Variants in DOK5 observed in about 807,000 individuals in gnomAD.
The protein encoded by DOK5 is docking protein 5, also known as downstream of tyrosine kinase 5.
In DOK5, 27 loss-of-function variants were observed where a neutral mutation model predicts 43.3. That is an observed-to-expected ratio of 0.62 (90% confidence interval 0.46 to 0.86). The LOEUF (loss-of-function observed/expected upper bound fraction) is 0.86, where lower values mean the gene tolerates loss of function less well. Ranked by LOEUF, DOK5 falls within the 40% of genes least tolerant of loss-of-function variation. DOK5 has a pLI of 0.00. For synonymous variants in DOK5, 146 were observed against 140.1 expected (o/e 1.04, Z -0.30); for missense variants, 373 against 392.9 (o/e 0.95, Z 0.43).
chr20:54,588,727 G>T lies in DOK5; in HGVS notation c.330G>T (p.Glu110Asp). The T allele has an allele frequency of 6.2e-7, 1 of 1,614,120 alleles. No homozygotes were observed. The highest frequency in any genetic ancestry group is 8.5e-7 in the Non-Finnish European group (1 of 1,179,984). The change falls in exon 4 of 8, where the codon GAG becomes GAT. Residue 110 changes from glutamate to aspartate, a missense_variant. Physicochemically the swap from Glu to Asp is conservative, Grantham distance 45. Transcript: ENST00000262593. ...AGTGGTGCAAAGTACTCCAGATGGAGTGTGTAGGAACACGGATCAATGACA... is the reference window on the plus strand; with the variant it reads ...AGTGGTGCAAAGTACTCCAGATGGATTGTGTAGGAACACGGATCAATGACA... ...ADEWCKVLQM[E>D]CVGTRINDIS...
At chr20:54,597,623 A>G (rs1032873000) in intron 5 of DOK5, among the ~76,000 whole-genome samples, 1 of 152,242 alleles carries the variant, frequency 6.6e-6, no homozygotes, top group Non-Finnish European at 1.5e-5. Context: ...TGATAAATTC[A>G]GGACTCACGC....
At chr20:54,617,677 C>A (rs530423615) in intron 6 of DOK5, among the ~76,000 whole-genome samples, 1 of 152,300 alleles carries the variant, frequency 6.6e-6, no homozygotes, top group Middle Eastern at 3.4e-3. Flanking sequence ...AGGAAGGGCA[C>A]CACACAAGGG....
chr20:54,640,343 C>T (rs748252255), intron 6 of DOK5, among the ~76,000 whole-genome samples: 5 of 152,162 alleles, frequency 3.3e-5, no homozygotes, highest in Non-Finnish European at 5.9e-5. Flanking sequence ...TCCACCAGGG[C>T]GGTACATCAG....
intron 6 of DOK5, among the ~76,000 whole-genome samples, chr20:54,628,278 G>A (rs1198642820): frequency 5.9e-5 from 9 of 151,370 alleles, no homozygotes; most frequent in Middle Eastern, 6.4e-3. Flanking sequence ...GCGTGGTGGC[G>A]GGCGCCTGTA....
At chr20:54,509,556 A>G (rs1297200765) in intron 1 of DOK5, among the ~76,000 whole-genome samples, 2 of 152,196 alleles carry the variant, frequency 1.3e-5, no homozygotes, top group Non-Finnish European at 2.9e-5. Context: ...TAAGCAAGAG[A>G]TGGTGTCTAG....
chr20:54,632,728 C>A (rs1978628118), intron 6 of DOK5, among the ~76,000 whole-genome samples: 1 of 152,160 alleles, frequency 6.6e-6, no homozygotes, highest in South Asian at 2.1e-4. Flanking sequence ...CAGTAATTCT[C>A]AAAGCATGGT....
intron 6 of DOK5, among the ~76,000 whole-genome samples, chr20:54,629,762 G>C (rs1482362959): frequency 6.6e-6 from 1 of 152,226 alleles, no homozygotes; most frequent in Non-Finnish European, 1.5e-5. Flanking sequence ...GTAAGACAGA[G>C]AGAATGACCG....
intron 1 of DOK5, among the ~76,000 whole-genome samples, chr20:54,527,379 T>C (rs1218297261): frequency 6.6e-6 from 1 of 152,224 alleles, no homozygotes; most frequent in Non-Finnish European, 1.5e-5. Context: ...TTCCTTACAC[T>C]TGCAATTCCC....
chr20:54,510,062 T>G (rs963068071), intron 1 of DOK5, among the ~76,000 whole-genome samples: 1 of 152,166 alleles, frequency 6.6e-6, no homozygotes, highest in African/African-American at 2.4e-5. Flanking sequence ...GGCACACGCT[T>G]ACCTATGTAA....
At chr20:54,531,459 A>G (rs1983768162) in intron 1 of DOK5, among the ~76,000 whole-genome samples, 1 of 152,178 alleles carries the variant, frequency 6.6e-6, no homozygotes, top group African/African-American at 2.4e-5. Context: ...AGCTTCTCTC[A>G]TTTTATAACA....
intron 1 of DOK5, among the ~76,000 whole-genome samples, chr20:54,484,080 C>G (rs1244098968): frequency 6.6e-6 from 1 of 152,094 alleles, no homozygotes; most frequent in African/African-American, 2.4e-5. Context: ...GCTATGCCTT[C>G]TTAAAGATTA....
intron 1 of DOK5, among the ~76,000 whole-genome samples, chr20:54,529,817 A>G (rs1983708500): frequency 6.6e-6 from 1 of 152,182 alleles, no homozygotes. Context: ...GTGAAATCCT[A>G]CAATACATGG....
chr20:54,585,416 C>G (rs919833225), intron 2 of DOK5, among the ~76,000 whole-genome samples: 6 of 152,204 alleles, frequency 3.9e-5, no homozygotes, highest in Non-Finnish European at 7.3e-5. Context: ...CTATCTCTTC[C>G]TCTTTGCCCT....
Position 54,643,550 on chromosome 20 carries a change from C to T in DOK5, c.828C>T (p.His276=). 6.2e-7 allele frequency: 1 copy of T among 1,613,238 alleles called. No individual in the cohort carries two copies. The stretch of plus-strand genomic sequence containing the variant: ...ACTGGCAGCACATCACACGGCAGCA[C>T]AGCACGGGACAGCTCTACCGCTTGC... ...SAYWQHITRQ[H]STGQLYRLQD... is the part of the protein sequence containing the mutation. The change falls in exon 7 of 8, where the codon CAC becomes CAT. Residue 276 remains histidine (H), a synonymous_variant. Coordinates refer to ENST00000262593, the MANE Select transcript of DOK5 (RefSeq NM_018431.5).
intron 1 of DOK5, among the ~76,000 whole-genome samples, chr20:54,513,558 C>T (rs982053785): frequency 4.8e-5 from 7 of 145,100 alleles, no homozygotes; most frequent in Non-Finnish European, 9.0e-5. Context: ...ATTCACTTAA[C>T]AAACCATGGA....
intron 2 of DOK5, among the ~76,000 whole-genome samples, chr20:54,584,443 C>A (rs1985736604): frequency 6.6e-6 from 1 of 151,568 alleles, no homozygotes; most frequent in Non-Finnish European, 1.5e-5. Flanking sequence ...CATACAAAAG[C>A]TGAACTATTC....
chr20:54,578,201 T>C (rs1985515910), intron 2 of DOK5, among the ~76,000 whole-genome samples: 1 of 152,196 alleles, frequency 6.6e-6, no homozygotes, highest in African/African-American at 2.4e-5. Flanking sequence ...TGATAATTTC[T>C]GTAAGAAATT....
chr20:54,571,285 T>C (rs1985273524), intron 2 of DOK5, among the ~76,000 whole-genome samples: 1 of 152,212 alleles, frequency 6.6e-6, no homozygotes, highest in Non-Finnish European at 1.5e-5. Context: ...TCTGCCTCGC[T>C]CTCAGGACCT....
intron 6 of DOK5, among the ~76,000 whole-genome samples, chr20:54,636,237 A>G (rs1978820018): frequency 6.6e-6 from 1 of 152,364 alleles, no homozygotes; most frequent in Middle Eastern, 3.4e-3. Flanking sequence ...AGAGAAATTT[A>G]GTTTATAGTT....
Sources: allele counts gnomAD v4.1 joint callset (sites outside exome capture counted in the v4.1 genomes callset), GRCh38; gene constraint gnomAD v4.1.1; transcripts MANE v1.5; gene names NCBI Gene and HGNC (gene_info 2026-07-23, HGNC 2026-07-21).